The following FBLN1 variants were observed in gnomAD, a reference collection of about 807,000 sequenced individuals.
FBLN1 encodes fibulin 1, also known as fibulin-1.
Under a neutral mutation model 89.7 loss-of-function variants are expected in FBLN1, and 34 were observed. The observed-to-expected ratio is 0.38, with a 90% confidence interval of 0.29 to 0.50. FBLN1 has a LOEUF of 0.50. Among genes scored for constraint, FBLN1 ranks in the 20% least tolerant of loss-of-function variants. FBLN1 has a pLI of 0.92. For missense variants in FBLN1, 777 were observed against 988.1 expected, an observed-to-expected ratio of 0.79 and a Z score of 2.86; for synonymous variants, 393 against 391.3, an observed-to-expected ratio of 1.00 and a Z score of -0.05.
At chr22:45,589,016 C>T (rs1020636619) in intron 16 of FBLN1, among the ~76,000 whole-genome samples, 5 of 149,708 alleles carry the variant, frequency 3.3e-5, no homozygotes, top group Middle Eastern at 3.5e-3. Flanking sequence ...GCAAACCCCG[C>T]GTGGCCCTTG....
rs2088420611 is a variant in FBLN1, at chr22:45,532,433, G to A, written c.545-630G>A. ...GGTGGGGTTACAGGGCCAGAGAGAGGGGCCCTAGAAGCAGGCAGGCTGGCA... is the reference window on the plus strand; with the variant it reads ...GGTGGGGTTACAGGGCCAGAGAGAGAGGCCCTAGAAGCAGGCAGGCTGGCA... On this transcript the variant is annotated intron_variant, in intron 5 of 16. Coordinates refer to ENST00000327858, the MANE Select transcript of FBLN1 (RefSeq NM_006486.3). This position sits in a 1 kb window ranked among gnomAD's most constrained non-coding sequence, Gnocchi z 4.2. 6.6e-6 allele frequency among the ~76,000 whole-genome samples: 1 copy of A among 152,052 alleles called. No individual in the cohort carries two copies. The highest frequency in any genetic ancestry group is 2.4e-5 in the African/African-American group (1 of 41,392).
chr22:45,525,372 T>G (rs572570381), intron 2 of FBLN1, among the ~76,000 whole-genome samples, 171 bp from the exon 3 acceptor site: 5 of 152,324 alleles, frequency 3.3e-5, no homozygotes, highest in African/African-American at 1.2e-4. Flanking sequence ...TCTAACTAAA[T>G]GCTAATTGAG....
intron 1 of FBLN1, among the ~76,000 whole-genome samples, chr22:45,507,800 T>G (rs965823367): frequency 1.3e-5 from 2 of 152,218 alleles, no homozygotes; most frequent in Non-Finnish European, 2.9e-5. Context: ...AGTGTTGGGA[T>G]TACAGGCGTG....
chr22:45,538,054 G>A (rs2088505723), intron 8 of FBLN1, among the ~76,000 whole-genome samples: 1 of 152,236 alleles, frequency 6.6e-6, no homozygotes, highest in African/African-American at 2.4e-5. Context: ...CTGTGTATGG[G>A]CTGAGGCTCG....
chr22:45,566,056 C>G (rs1486475300), intron 14 of FBLN1: 1 of 152,570 alleles, frequency 6.6e-6, no homozygotes, highest in Non-Finnish European at 1.5e-5. Context: ...GAGTGAGACT[C>G]TGTCTCAAAA....
chr22:45,541,415 G>A, intron 9 of FBLN1, 43 bp downstream of exon 9: 3 of 1,612,852 alleles, frequency 1.9e-6, no homozygotes, highest in Non-Finnish European at 2.5e-6. Flanking sequence ...TTTCCTGTCT[G>A]CTTCCAGCAT....
At chr22:45,520,652 A>G (rs145753513) in intron 2 of FBLN1, among the ~76,000 whole-genome samples, 2 of 152,310 alleles carry the variant, frequency 1.3e-5, no homozygotes, top group Non-Finnish European at 2.9e-5. Context: ...GAAATAAAAG[A>G]AAGTGAGGCA....
At chr22:45,569,642 A>AAAGAAGAAGAAGAAGAAGAAGAAG (rs56907104) in intron 14 of FBLN1, among the ~76,000 whole-genome samples, 31 of 149,740 alleles carry the variant, frequency 2.1e-4, no homozygotes, top group Non-Finnish European at 7.4e-5. Context: ...CTGTCTCAAA[A>AAAGAAGAAGAAGAAGAAGAAGAAG]AAGAAGAAGA....
At chr22:45,570,374 A>G (rs925373989) in intron 14 of FBLN1, among the ~76,000 whole-genome samples, 1 of 150,464 alleles carries the variant, frequency 6.6e-6, no homozygotes, top group Middle Eastern at 3.2e-3. Context: ...AAGAAAAAGA[A>G]AAAAAGAAAG....
rs1019947074 is a variant in FBLN1, at chr22:45,550,163, C to T, written c.1574-329C>T. Among the ~76,000 whole-genome samples, 1 of 152,192 alleles carries T rather than the reference C, an allele frequency of 6.6e-6. No individual in the cohort carries two copies. Among genetic ancestry groups the T allele is most frequent in the Non-Finnish European group, 1.5e-5 (1 of 68,032 alleles). On this transcript the variant is annotated intron_variant, in intron 13 of 16. Transcript: ENST00000327858. The surrounding 1 kb of genome is among the most constrained non-coding windows in gnomAD (Gnocchi z 8.4). ...GCTCCTCATAAAATGAGGATCATAA[C>T]AGTATCTGCCTCATTGAGTTCTTAG...
rs765194415 is a variant in FBLN1 at position 45,550,461 on chromosome 22, C to A, written c.1574-31C>A. ...TGGGTATGGCTCCTGCAGCCTCTGC[C>A]TTCACTGTGCTGCTGTGGGGTCTCT... On this transcript the variant is annotated intron_variant, in intron 13 of 16. Coordinates refer to ENST00000327858, the MANE Select transcript of FBLN1 (RefSeq NM_006486.3). This position sits in a 1 kb window ranked among gnomAD's most constrained non-coding sequence, Gnocchi z 8.4. 6.2e-7 allele frequency: 1 copy of A among 1,613,632 alleles called. No individual in the cohort carries two copies. The highest frequency in any genetic ancestry group is 1.7e-5 in the Admixed American group (1 of 60,032).
At chr22:45,573,699 A>AAAAAAC (rs2088970091) in intron 14 of FBLN1, among the ~76,000 whole-genome samples, 1 of 150,152 alleles carries the variant, frequency 6.7e-6, no homozygotes, top group Non-Finnish European at 1.5e-5. Flanking sequence ...AAAAAAAAAA[A>AAAAAAC]AACCCAAGTA....
chr22:45,521,434 A>G (rs547358599), intron 2 of FBLN1, among the ~76,000 whole-genome samples: 1 of 152,308 alleles, frequency 6.6e-6, no homozygotes, highest in East Asian at 1.9e-4. Flanking sequence ...CACACAGGCC[A>G]GGGGCCACAT....
intron 16 of FBLN1, among the ~76,000 whole-genome samples, chr22:45,589,187 T>A (rs1157415601): frequency 6.6e-6 from 1 of 151,904 alleles, no homozygotes; most frequent in East Asian, 1.9e-4. Context: ...ACCCTGTAGA[T>A]CATTATTCCC....
chr22:45,515,589 A>G (rs963871035), intron 1 of FBLN1, among the ~76,000 whole-genome samples: 1 of 152,118 alleles, frequency 6.6e-6, no homozygotes, highest in Non-Finnish European at 1.5e-5. Flanking sequence ...CAGAGTCCGA[A>G]GGAGGCTCTG....
Position 45,576,831 on chromosome 22 carries a change from G to T in FBLN1, c.1841-146G>T. ...CAGACCCCTCCACCCTCCCCACACAGGGGATCTCTGGCTTCATTGATGTTG... is the reference window on the plus strand; with the variant it reads ...CAGACCCCTCCACCCTCCCCACACATGGGATCTCTGGCTTCATTGATGTTG... On this transcript the variant is annotated intron_variant, in intron 15 of 16. Coordinates refer to ENST00000327858, the MANE Select transcript of FBLN1 (RefSeq NM_006486.3). This position sits in a 1 kb window ranked among gnomAD's most constrained non-coding sequence, Gnocchi z 5.2. 1.1e-6 allele frequency: 1 copy of T among 926,130 alleles called. No individual in the cohort carries two copies. Among genetic ancestry groups the T allele is most frequent in the Non-Finnish European group, 1.7e-6 (1 of 592,028 alleles). The allele number at this position is 926,130 out of a possible 1,614,324, so 57.4% of individuals were successfully genotyped here.
At chr22:45,503,200 G>T in intron 1 of FBLN1, 136 bp downstream of exon 1, 1 of 481,600 alleles carries the variant, frequency 2.1e-6, no homozygotes, top group Non-Finnish European at 3.0e-6. Context: ...TGTCAGCGCC[G>T]AGGCCTCGGC....
At chr22:45,554,010 T>A (rs1174237984) in intron 14 of FBLN1, among the ~76,000 whole-genome samples, 1 of 152,250 alleles carries the variant, frequency 6.6e-6, no homozygotes, top group Non-Finnish European at 1.5e-5. Flanking sequence ...CTTGTGTGTG[T>A]GCATACATTG....
At chr22:45,512,159 C>T (rs1265448878) in intron 1 of FBLN1, among the ~76,000 whole-genome samples, 1 of 151,854 alleles carries the variant, frequency 6.6e-6, no homozygotes, top group Non-Finnish European at 1.5e-5. Context: ...CAGAGCTGCT[C>T]ACAGCTGTTG....
Sources: gnomAD v4.1 joint callset for allele counts (sites outside exome capture counted in the v4.1 genomes callset) on GRCh38, gnomAD v4.1.1 for gene constraint, Gnocchi (gnomAD v3.1) non-coding constraint, MANE v1.5 for transcripts, NCBI Gene and HGNC (gene_info 2026-07-23, HGNC 2026-07-21) for gene names.